Variants in ABTB3 observed in about 807,000 individuals in gnomAD.
ABTB3 encodes the protein ankyrin repeat- and BTB/POZ domain-containing protein 3.
chr12:107,565,761 T>C, the ABTB3 span, among the ~76,000 whole-genome samples: 1 of 152,178 alleles, frequency 6.6e-6, no homozygotes, highest in African/African-American at 2.4e-5. Flanking sequence ...AGGGAGGGAC[T>C]TCAGGATTCT....
chr12:107,517,476 G>A, the ABTB3 span, among the ~76,000 whole-genome samples: 6 of 152,110 alleles, frequency 3.9e-5, no homozygotes, highest in Non-Finnish European at 7.3e-5. Flanking sequence ...CCATTTTCAC[G>A]ATATTGATTC....
the ABTB3 span, chr12:107,320,213 G>C: frequency 7.7e-7 from 1 of 1,293,884 alleles, no homozygotes; most frequent in Non-Finnish European, 9.9e-7. Flanking sequence ...CCGGGCTGGA[G>C]GTAGCCAGAA....
the ABTB3 span, among the ~76,000 whole-genome samples, chr12:107,382,099 C>G: frequency 6.6e-6 from 1 of 152,060 alleles, no homozygotes; most frequent in Admixed American, 6.5e-5. Flanking sequence ...TTAACAAGAA[C>G]AAATTGGCCA....
the ABTB3 span, among the ~76,000 whole-genome samples, chr12:107,503,023 G>A: frequency 6.6e-6 from 1 of 152,200 alleles, no homozygotes; most frequent in African/African-American, 2.4e-5. Flanking sequence ...GTTACTTACA[G>A]TTCCCAAGAG....
At chr12:107,566,798 TA>T in the ABTB3 span, among the ~76,000 whole-genome samples, 1 of 152,050 alleles carries the variant, frequency 6.6e-6, no homozygotes, top group Non-Finnish European at 1.5e-5. Flanking sequence ...TCAGAAGCTT[TA>T]AAAAACAATC....
At chr12:107,562,736 G>A in the ABTB3 span, among the ~76,000 whole-genome samples, 2 of 152,356 alleles carry the variant, frequency 1.3e-5, no homozygotes, top group Admixed American at 6.5e-5. Context: ...TTTGAATCCC[G>A]CAGTATCCTA....
At chr12:107,341,716 CA>C in the ABTB3 span, among the ~76,000 whole-genome samples, 12 of 152,116 alleles carry the variant, frequency 7.9e-5, no homozygotes. Flanking sequence ...TGTCCCTGCC[CA>C]AATCACATGT....
chr12:107,645,156 G>A, the ABTB3 span, among the ~76,000 whole-genome samples: 2 of 151,972 alleles, frequency 1.3e-5, no homozygotes, highest in South Asian at 2.1e-4. Flanking sequence ...TAGTAGAGAC[G>A]GGGTTTTTCC....
chr12:107,537,618 G>A, the ABTB3 span, among the ~76,000 whole-genome samples: 5 of 152,202 alleles, frequency 3.3e-5, no homozygotes, highest in African/African-American at 9.6e-5. Context: ...CTCACTCCAG[G>A]CTGTCTGCAG....
At chr12:107,454,441 G>A in the ABTB3 span, among the ~76,000 whole-genome samples, 2 of 152,158 alleles carry the variant, frequency 1.3e-5, no homozygotes, top group Non-Finnish European at 2.9e-5. Context: ...TAAGGGTTAG[G>A]GGGGTTCATC....
At chr12:107,490,139 G>A in the ABTB3 span, among the ~76,000 whole-genome samples, 1 of 152,186 alleles carries the variant, frequency 6.6e-6, no homozygotes, top group African/African-American at 2.4e-5. Context: ...TGACATGACT[G>A]AGAGAGCAAC....
the ABTB3 span, among the ~76,000 whole-genome samples, chr12:107,391,137 C>T: frequency 3.3e-5 from 5 of 152,094 alleles, no homozygotes; most frequent in South Asian, 2.1e-4. Context: ...GGTGACAGAG[C>T]GAGACTCCGC....
the ABTB3 span, among the ~76,000 whole-genome samples, chr12:107,519,411 C>T: frequency 7.0e-3 from 1,057 of 150,828 alleles, 15 homozygotes; most frequent in African/African-American, 0.023. Context: ...CAGCCTCTGC[C>T]TCTCAGATTC....
At chr12:107,453,107 A>G in the ABTB3 span, among the ~76,000 whole-genome samples, 2 of 152,154 alleles carry the variant, frequency 1.3e-5, no homozygotes, top group Non-Finnish European at 2.9e-5. Flanking sequence ...AAGGACTGTC[A>G]GGCAGGAACG....
the ABTB3 span, among the ~76,000 whole-genome samples, chr12:107,489,988 C>T: frequency 6.6e-6 from 1 of 151,938 alleles, no homozygotes; most frequent in African/African-American, 2.4e-5. Flanking sequence ...AGGGAGGTGC[C>T]CTGAGGGATT....
At chr12:107,548,532 T>C in the ABTB3 span, among the ~76,000 whole-genome samples, 5 of 152,220 alleles carry the variant, frequency 3.3e-5, no homozygotes, top group South Asian at 2.1e-4. Context: ...TCGTTTTTCA[T>C]TGTGGAATTT....
chr12:107,494,863 G>A, the ABTB3 span, among the ~76,000 whole-genome samples: 1 of 152,150 alleles, frequency 6.6e-6, no homozygotes. Flanking sequence ...ACAGGGCCCC[G>A]AGGATCATTC....
chr12:107,354,171 T>A, the ABTB3 span, among the ~76,000 whole-genome samples: 3 of 152,206 alleles, frequency 2.0e-5, no homozygotes, highest in African/African-American at 7.2e-5. Context: ...TAAACCCTCT[T>A]ACATTCTTTC....
the ABTB3 span, among the ~76,000 whole-genome samples, chr12:107,626,343 C>CTTTTTTTTTTTTTTTTTTTTTTTTTTTT: frequency 5.3e-5 from 6 of 112,512 alleles, no homozygotes; most frequent in East Asian, 2.7e-4. Context: ...CTATCGTCAT[C>CTTTTTTTTTTTTTTTTTTTTTTTTTTTT]TTTTTTTTTT....
Sources: allele counts gnomAD v4.1 joint callset (sites outside exome capture counted in the v4.1 genomes callset), GRCh38; gene constraint gnomAD v4.1.1; transcripts MANE v1.5; gene names NCBI Gene and HGNC (gene_info 2026-07-23, HGNC 2026-07-21).